CAND2: variants seen among roughly 807,000 people sequenced by gnomAD.
CAND2 encodes the protein cullin-associated NEDD8-dissociated protein 2.
CAND2 carries 62 observed loss-of-function variants against 98.9 expected under a neutral mutation model. The observed-to-expected ratio is 0.63, with a 90% CI of 0.51 to 0.77. The LOEUF (loss-of-function observed/expected upper bound fraction) is 0.77. Ranked by LOEUF, CAND2 falls within the 30% of genes least tolerant of loss-of-function variation. The pLI is 0.00. For synonymous variants in CAND2, 770 were observed against 731.9 expected (o/e 1.05, Z -0.84); for missense variants, 1,501 against 1,655.2 (o/e 0.91, Z 1.62).
chr3:12,833,986 C>T lies in CAND2; in HGVS notation c.*4C>T, dbSNP rs2062077365. On this transcript the variant is annotated 3_prime_UTR_variant, in exon 15 of 15. Coordinates refer to ENST00000456430, the MANE Select transcript of CAND2 (RefSeq NM_001162499.2). ...AGACTCAATGGAGCTCAGCTAGTCC[C>T]CTCAGCACCAAGGTGGGCCCTCGCT... 1.2e-6 allele frequency: 2 copies of T among 1,612,580 alleles called. No homozygotes were observed. The highest frequency in any genetic ancestry group is 1.1e-5 in the South Asian group (1 of 91,062).
chr3:12,826,892 G>A (rs2062005950), intron 12 of CAND2, among the ~76,000 whole-genome samples: 1 of 148,118 alleles, frequency 6.8e-6, no homozygotes, highest in Non-Finnish European at 1.5e-5. Context: ...GTGCAGTGGC[G>A]CGATCTCAGC....
In CAND2 at chr3:12,815,166, CGAT is replaced by C; in HGVS notation, c.1035_1037del (p.Asp346del). 1 of 1,611,996 alleles carries C rather than the reference CGAT, an allele frequency of 6.2e-7. No homozygotes were observed. The highest frequency in any genetic ancestry group is 1.1e-5 in the South Asian group (1 of 90,962). ...AGAGTGAAGACGAGTACAGCGATGACGATGACATGAGCTGGAAGGTGCGCCGGG... is the reference window on the plus strand; with the variant it reads ...AGAGTGAAGACGAGTACAGCGATGACGACATGAGCTGGAAGGTGCGCCGGG... On this transcript the variant is annotated inframe_deletion, in exon 8 of 15. Coordinates refer to ENST00000456430, the MANE Select transcript of CAND2 (RefSeq NM_001162499.2). This position sits in a 1 kb window ranked among gnomAD's most constrained non-coding sequence, Gnocchi z 5.7.
rs2061823233 is a variant in CAND2, at chr3:12,808,303, C to G, written c.461C>G (p.Ala154Gly). 1 of 1,551,350 alleles carries G rather than the reference C, an allele frequency of 6.4e-7. No homozygotes were observed. Residue 154 changes from alanine to glycine, a missense_variant, in exon 4 of 15, where the codon GCC becomes GGC. By Grantham distance (60) the Ala-to-Gly change is moderately conservative (BLOSUM62 0). Transcript: ENST00000456430. ...GAGGATGTGGCTGTGCAGCTGGAAG[C>G]CCTGGACATCCTCTCTGACATGCTG... Reference protein sequence around the residue: ...QQEDVAVQLEALDILSDMLSR... With the variant: ...QQEDVAVQLEGLDILSDMLSR...
intron 11 of CAND2, among the ~76,000 whole-genome samples, chr3:12,823,914 GATAA>G (rs2061979528): frequency 6.6e-6 from 1 of 152,276 alleles, no homozygotes; most frequent in Non-Finnish European, 1.5e-5. Flanking sequence ...ACAAAAAAAT[GATAA>G]ATACAGTTTT....
rs752638587 is a variant in CAND2 at position 12,816,940 on chromosome 3, C to T, written c.2008C>T (p.Leu670=). ...FLRKNQRALR[L]ATLAALDALA... ...GCGGAAGAACCAGCGGGCTTTGCGA[C>T]TGGCCACACTGGCAGCCCTGGACGC... The change falls in exon 10 of 15, where the codon CTG becomes TTG. Residue 670 remains leucine, a synonymous_variant. Coordinates refer to ENST00000456430, the MANE Select transcript of CAND2 (RefSeq NM_001162499.2). 10 of 1,613,414 alleles carry T rather than the reference C, an allele frequency of 6.2e-6. No homozygotes were observed. In the Admixed American group the frequency reaches 1.5e-4, roughly 24 times the overall value.
intron 2 of CAND2, among the ~76,000 whole-genome samples, chr3:12,805,623 A>G (rs1048677780): frequency 6.6e-6 from 1 of 152,196 alleles, no homozygotes; most frequent in African/African-American, 2.4e-5. Context: ...CTCCCAATAA[A>G]GTTTCCCAGA....
rs771138967 is a variant in CAND2, at chr3:12,827,440, G to A, written c.3211G>A (p.Val1071Met). 4 of 1,612,546 alleles carry A rather than the reference G, an allele frequency of 2.5e-6. No homozygotes were observed. In the African/African-American group the frequency reaches 5.3e-5, roughly 22 times the overall value. ...TCACCAACCTTCATCCCTCCTGCAGGTGGAGATGGGGCCCTTTAAACATAC... is the reference window on the plus strand; with the variant it reads ...TCACCAACCTTCATCCCTCCTGCAGATGGAGATGGGGCCCTTTAAACATAC... ...TKIRRDLIRE[V>M]EMGPFKHTVD... is the part of the protein sequence containing the mutation. Residue 1071 changes from valine (V) to methionine (M), a missense_variant and splice_region_variant, in exon 13 of 15, where the codon GTG (valine) becomes ATG (methionine). Transcript: ENST00000456430.
At chr3:12,807,566 A>G in intron 3 of CAND2, 106 bp downstream of exon 3, 1 of 1,196,284 alleles carries the variant, frequency 8.4e-7, no homozygotes, top group Non-Finnish European at 1.2e-6. Context: ...AGAGTTGAAG[A>G]GACATACCTG....
intron 14 of CAND2, chr3:12,832,462 G>A (rs149148150): frequency 1.3e-5 from 2 of 152,240 alleles, no homozygotes; most frequent in Non-Finnish European, 1.5e-5. Context: ...CAGTAAAGCC[G>A]AGGTGGCAAG....
At position 12,825,468 on chromosome 3, in the gene CAND2, A is replaced by C; in HGVS notation, c.3041-2A>C. On this transcript the variant is annotated splice_acceptor_variant, in intron 11 of 14. Transcript: ENST00000456430. LOFTEE classifies it high-confidence loss of function. ...CCCACGCCCCTCATGTTCTTCTGCCAGGAGAGTTCATGGAGAGCCTGCAGG... is the reference window on the plus strand; with the variant it reads ...CCCACGCCCCTCATGTTCTTCTGCCCGGAGAGTTCATGGAGAGCCTGCAGG... The C allele has an allele frequency of 6.4e-7, 1 of 1,552,496 alleles. No individual in the cohort carries two copies. The highest frequency in any genetic ancestry group is 8.7e-7 in the Non-Finnish European group (1 of 1,147,062).
chr3:12,817,093 G>C lies in CAND2; in HGVS notation c.2161G>C (p.Val721Leu). ...AQLAVDFLATVTQAQPASLVE... is the reference protein window; with the variant it reads ...AQLAVDFLATLTQAQPASLVE... The stretch of plus-strand genomic sequence containing the variant: ...GCTGGCTGTGGACTTCCTTGCCACA[G>C]TGACCCAGGCCCAGCCAGCCTCTTT... The change falls in exon 10 of 15, where the codon GTG (valine) becomes CTG (leucine). Residue 721 changes from valine to leucine, a missense_variant. This residue lies in a region of CAND2 where 1,427 missense variants were observed against 1,545.3 expected (regional missense o/e 0.92). Transcript: ENST00000456430. The C allele has an allele frequency of 6.2e-7, 1 of 1,612,948 alleles. No individual in the cohort carries two copies. Among genetic ancestry groups the C allele is most frequent in the South Asian group, 1.1e-5 (1 of 91,082 alleles).
intron 13 of CAND2, among the ~76,000 whole-genome samples, chr3:12,829,754 A>G (rs116526804): frequency 6.6e-6 from 1 of 152,134 alleles, no homozygotes; most frequent in African/African-American, 2.4e-5. Flanking sequence ...TGTGGAGATG[A>G]GTTTATGAGA....
intron 1 of CAND2, among the ~76,000 whole-genome samples, chr3:12,800,422 G>T (rs992651277): frequency 2.0e-5 from 3 of 152,308 alleles, no homozygotes; most frequent in South Asian, 2.1e-4. Flanking sequence ...CAACCATGCT[G>T]GAAAGCAGGG....
chr3:12,823,495 G>A (rs1357152745), intron 11 of CAND2, among the ~76,000 whole-genome samples: 1 of 152,056 alleles, frequency 6.6e-6, no homozygotes, highest in Non-Finnish European at 1.5e-5. Context: ...TTGGGAGGCC[G>A]AGGCGGGCGG....
At chr3:12,814,386 G>A (rs923606142) in intron 7 of CAND2, among the ~76,000 whole-genome samples, 3 of 152,210 alleles carry the variant, frequency 2.0e-5, no homozygotes, top group African/African-American at 7.2e-5. Flanking sequence ...CTCGCTGTGT[G>A]CCCTGAGAGT....
At chr3:12,807,228 C>A (rs1575765464) in intron 2 of CAND2, 78 bp from the exon 3 acceptor site, 3 of 1,363,422 alleles carry the variant, frequency 2.2e-6, no homozygotes, top group Non-Finnish European at 3.0e-6. Flanking sequence ...GCCGCAGGAG[C>A]ATGAGGGGAC....
intron 1 of CAND2, among the ~76,000 whole-genome samples, chr3:12,800,412 C>T (rs1329036895): frequency 1.3e-5 from 2 of 152,212 alleles, no homozygotes; most frequent in Non-Finnish European, 2.9e-5. Context: ...TTGATTTGCT[C>T]AACCATGCTG....
intron 11 of CAND2, among the ~76,000 whole-genome samples, chr3:12,822,350 A>G (rs1323229303): frequency 1.4e-5 from 2 of 145,680 alleles, no homozygotes; most frequent in Non-Finnish European, 3.0e-5. Flanking sequence ...GCTGGAAGGC[A>G]ATGGCACAGT....
In CAND2 at chr3:12,815,117, A is replaced by G. The variant is rs189725157; in HGVS notation, c.1007-24A>G. Reference sequence around the variant, plus strand: ...ACCTGTCCTGGGAGATGAGGGTTCCACGTGTGTCTTGTTCCTGCCCCAGAG... The same window carrying G: ...ACCTGTCCTGGGAGATGAGGGTTCCGCGTGTGTCTTGTTCCTGCCCCAGAG... On this transcript the variant is annotated intron_variant, in intron 7 of 14. Transcript: ENST00000456430. The surrounding 1 kb of genome is among the most constrained non-coding windows in gnomAD (Gnocchi z 5.7). The G allele has an allele frequency of 2.0e-5, 31 of 1,585,422 alleles. No individual in the cohort carries two copies. In the East Asian group the frequency reaches 5.0e-4, roughly 25 times the overall value.
Sources: allele counts gnomAD v4.1 joint callset (sites outside exome capture counted in the v4.1 genomes callset), GRCh38; gene constraint gnomAD v4.1.1; regional missense constraint gnomAD v4.1.1; non-coding constraint Gnocchi (gnomAD v3.1); transcripts MANE v1.5; gene names NCBI Gene and HGNC (gene_info 2026-07-23, HGNC 2026-07-21).